ATP9B: variants seen among roughly 807,000 people sequenced by gnomAD.
ATP9B encodes the protein probable phospholipid-transporting ATPase IIB.
Under a neutral mutation model 146.1 loss-of-function variants are expected in ATP9B, and 110 were observed. The ratio of observed to expected loss-of-function variants is 0.75; its 90% CI spans 0.65 to 0.88. The LOEUF (loss-of-function observed/expected upper bound fraction) is 0.88. Ranked by LOEUF, ATP9B falls within the 40% of genes least tolerant of loss-of-function variation. The pLI, the probability that ATP9B is intolerant of heterozygous loss-of-function variation, is 0.00. For missense variants in ATP9B, 1,499 were observed against 1,496.4 expected (o/e 1.00, Z -0.03); for synonymous variants, 604 against 569.7 (o/e 1.06, Z -0.86).
intron 17 of ATP9B, among the ~76,000 whole-genome samples, chr18:79,331,921 A>T (rs746402240): frequency 3.3e-5 from 5 of 152,134 alleles, no homozygotes; most frequent in Admixed American, 6.5e-5. Context: ...AGTACAGGTG[A>T]CCCTTGAACA....
chr18:79,375,075 G>C (rs1415124941), intron 28 of ATP9B, among the ~76,000 whole-genome samples: 1 of 152,234 alleles, frequency 6.6e-6, no homozygotes, highest in Non-Finnish European at 1.5e-5. Flanking sequence ...CACACCTGCA[G>C]AACATGGCCA....
chr18:79,334,609 G>A (rs1017249014), intron 17 of ATP9B, among the ~76,000 whole-genome samples: 45 of 151,392 alleles, frequency 3.0e-4, no homozygotes, highest in African/African-American at 9.5e-4. Context: ...TGACAGCCCC[G>A]ACACCCCCTG....
intron 9 of ATP9B, among the ~76,000 whole-genome samples, chr18:79,200,720 A>T (rs2095467181): frequency 6.6e-6 from 1 of 152,206 alleles, no homozygotes; most frequent in Non-Finnish European, 1.5e-5. Flanking sequence ...GCAGAGGTGG[A>T]GGTGGGGACT....
intron 11 of ATP9B, among the ~76,000 whole-genome samples, chr18:79,218,467 T>G (rs1056485002): frequency 6.6e-6 from 1 of 151,952 alleles, no homozygotes; most frequent in Non-Finnish European, 1.5e-5. Context: ...CAGCTCCTGC[T>G]GGTCATATTT....
intron 9 of ATP9B, among the ~76,000 whole-genome samples, chr18:79,199,839 C>G (rs1305680500): frequency 1.3e-5 from 2 of 152,056 alleles, no homozygotes; most frequent in African/African-American, 2.4e-5. Flanking sequence ...ATCAGTATCA[C>G]TGTCTCCTCC....
Position 79,330,120 on chromosome 18 carries a change from T to A in ATP9B, c.2028+16T>A. 1 of 1,609,312 alleles carries A rather than the reference T, an allele frequency of 6.2e-7. No homozygotes were observed. Among genetic ancestry groups the A allele is most frequent in the Non-Finnish European group, 8.5e-7 (1 of 1,175,788 alleles). The stretch of plus-strand genomic sequence containing the variant: ...GGAAGAGGAGGTATGTGAGTGACTC[T>A]AGCGTGGTTCACAGTGTTTCTATGG... On this transcript the variant is annotated intron_variant, in intron 17 of 29. Coordinates refer to ENST00000426216, the MANE Select transcript of ATP9B (RefSeq NM_198531.5).
At chr18:79,356,834 A>ACCCTTGTGAGGGG (rs574721560) in intron 25 of ATP9B, among the ~76,000 whole-genome samples, 1 of 49,320 alleles carries the variant, frequency 2.0e-5, no homozygotes, top group Non-Finnish European at 4.7e-5. Flanking sequence ...TGTGTGAGGG[A>ACCCTTGTGAGGGG]TGCTCTGGGT....
intron 15 of ATP9B, among the ~76,000 whole-genome samples, chr18:79,327,694 G>A (rs1404890322): frequency 1.4e-5 from 2 of 144,156 alleles, no homozygotes; most frequent in Non-Finnish European, 3.0e-5. Context: ...TGCTCTCCGT[G>A]GTTAGTGTGC....
intron 14 of ATP9B, among the ~76,000 whole-genome samples, chr18:79,305,371 CAT>C (rs764802606): frequency 7.2e-5 from 11 of 152,282 alleles, no homozygotes; most frequent in South Asian, 4.2e-4. Context: ...GAAGAAGTCT[CAT>C]ATGTGTATAT....
intron 4 of ATP9B, among the ~76,000 whole-genome samples, chr18:79,119,144 A>G (rs2094145892): frequency 6.6e-6 from 1 of 151,814 alleles, no homozygotes; most frequent in Non-Finnish European, 1.5e-5. Context: ...TGAGAACACA[A>G]ATTCTTCTTA....
chr18:79,350,313 C>T (rs1195979475), intron 25 of ATP9B, among the ~76,000 whole-genome samples: 1 of 152,264 alleles, frequency 6.6e-6, no homozygotes, highest in Non-Finnish European at 1.5e-5. Context: ...ACCCCTAGCC[C>T]TTCATCTTCG....
intron 12 of ATP9B, among the ~76,000 whole-genome samples, chr18:79,256,143 ACTGT>A (rs1306053690): frequency 2.0e-5 from 3 of 150,984 alleles, no homozygotes; most frequent in African/African-American, 2.4e-5. Flanking sequence ...TATGTGCTTT[ACTGT>A]CTTTTTTTTA....
rs142143584 is a variant in ATP9B, at chr18:79,177,349, C to G, written c.873+442C>G. On this transcript the variant is annotated intron_variant, in intron 8 of 29. Transcript: ENST00000426216. Reference sequence around the variant, plus strand: ...CGCCTGGGCTCAAGTGATGCTCTCTCCACAGTCTCCTGAGTAGATGGGAGT... The same window carrying G: ...CGCCTGGGCTCAAGTGATGCTCTCTGCACAGTCTCCTGAGTAGATGGGAGT... Among the ~76,000 whole-genome samples the G allele has an allele frequency of 5.4e-3, 827 of 152,310 alleles. 5 individuals are homozygous for G. Among genetic ancestry groups the G allele is most frequent in the African/African-American group, 0.019 (801 of 41,558 alleles).
intron 17 of ATP9B, among the ~76,000 whole-genome samples, chr18:79,331,019 A>G (rs1244315563): frequency 6.6e-6 from 1 of 152,252 alleles, no homozygotes; most frequent in Non-Finnish European, 1.5e-5. Context: ...ATTTCATTAA[A>G]TTCTCCTGAA....
At chr18:79,249,761 T>C (rs2096004627) in intron 11 of ATP9B, among the ~76,000 whole-genome samples, 2 of 152,222 alleles carry the variant, frequency 1.3e-5, no homozygotes, top group African/African-American at 4.8e-5. Context: ...AAATTGAATA[T>C]TAAAAGATTA....
chr18:79,349,892 G>GCC (rs1187943273), intron 25 of ATP9B, among the ~76,000 whole-genome samples: 2 of 102,958 alleles, frequency 1.9e-5, no homozygotes, highest in African/African-American at 4.4e-5. Flanking sequence ...GGGAGGCCCC[G>GCC]CACCCCCCCC....
rs534601385 is a variant in ATP9B, at chr18:79,356,202, G to A, written c.2904-3152G>A. On this transcript the variant is annotated intron_variant, in intron 25 of 29. Transcript: ENST00000426216. The stretch of plus-strand genomic sequence containing the variant: ...TAGACCACAGGATGCTCCGCCTCAC[G>A]CCTGCCAGAATTGTGAGGAAGAGTC... Among the ~76,000 whole-genome samples, 39 of 152,154 alleles carry A rather than the reference G, an allele frequency of 2.6e-4. 1 individual carries two copies. The Middle Eastern group carries it at 0.024, about 94-fold the overall frequency.
At chr18:79,259,458 C>G (rs1282064043) in intron 12 of ATP9B, among the ~76,000 whole-genome samples, 1 of 152,160 alleles carries the variant, frequency 6.6e-6, no homozygotes, top group Non-Finnish European at 1.5e-5. Flanking sequence ...GTGCTAGAGG[C>G]AGAATGTTGT....
At chr18:79,351,222 G>A (rs1189726222) in intron 25 of ATP9B, among the ~76,000 whole-genome samples, 1 of 152,178 alleles carries the variant, frequency 6.6e-6, no homozygotes, top group Non-Finnish European at 1.5e-5. Flanking sequence ...ACATGAAAAG[G>A]AAAATGTGGG....
Sources: allele counts gnomAD v4.1 joint callset (sites outside exome capture counted in the v4.1 genomes callset), GRCh38; gene constraint gnomAD v4.1.1; transcripts MANE v1.5; gene names NCBI Gene and HGNC (gene_info 2026-07-23, HGNC 2026-07-21).